The following MRPL24 variants were observed in gnomAD, a reference collection of about 807,000 sequenced individuals.
The protein encoded by MRPL24 is mitochondrial ribosomal protein L24, also known as large ribosomal subunit protein uL24m.
A neutral mutation model predicts 26.9 loss-of-function variants in MRPL24; 15 were observed. The ratio of observed to expected loss-of-function variants is 0.56; its 90% confidence interval spans 0.37 to 0.86. The LOEUF is 0.86. Among genes scored for constraint, MRPL24 ranks in the 40% least tolerant of loss-of-function variants. The pLI, the probability that MRPL24 is intolerant of heterozygous loss-of-function variation, is 0.00. For synonymous variants in MRPL24, 92 were observed against 102.4 expected, an observed-to-expected ratio of 0.90 and a Z score of 0.62; for missense variants, 241 against 281.4, an observed-to-expected ratio of 0.86 and a Z score of 1.03.
intron 5 of MRPL24, 55 bp from the exon 6 acceptor site, chr1:156,737,589 T>C (rs2102681741): frequency 1.2e-6 from 2 of 1,605,906 alleles, no homozygotes; most frequent in Non-Finnish European, 8.5e-7. Context: ...CTTTCATTAA[T>C]GTCCCCTACT....
At chr1:156,737,893 T>C (rs1649932141) in intron 4 of MRPL24, 117 bp from the exon 5 acceptor site, 2 of 1,490,532 alleles carry the variant, frequency 1.3e-6, no homozygotes, top group Non-Finnish European at 1.8e-6. Flanking sequence ...CACCTCTGTG[T>C]TGGGGTTACC....
intron 1 of MRPL24, among the ~76,000 whole-genome samples, chr1:156,739,551 A>C (rs917898047): frequency 2.2e-4 from 34 of 152,150 alleles, no homozygotes; most frequent in African/African-American, 8.0e-4. Context: ...TTCAAAGACA[A>C]ATAAAGATAC....
In MRPL24 at chr1:156,737,637, C is replaced by T; in HGVS notation, c.514+9G>A. On this transcript the variant is annotated intron_variant, in intron 5 of 5. Coordinates refer to ENST00000361531, the MANE Select transcript of MRPL24 (RefSeq NM_145729.3). ...ACCCACCCCTGACCTTCCTGCCCCT[C>T]ACTCTCACCAATCCACGTTTCAGGG... is the stretch of plus-strand genomic sequence containing the variant. 1.2e-6 allele frequency: 2 copies of T among 1,614,100 alleles called. No homozygotes were observed. Among genetic ancestry groups the T allele is most frequent in the Middle Eastern group, 1.6e-4 (1 of 6,062 alleles).
chr1:156,737,637 C>A lies in MRPL24; in HGVS notation c.514+9G>T. On this transcript the variant is annotated intron_variant, in intron 5 of 5. Transcript: ENST00000361531. ...ACCCACCCCTGACCTTCCTGCCCCT[C>A]ACTCTCACCAATCCACGTTTCAGGG... The A allele has an allele frequency of 6.2e-7, 1 of 1,614,100 alleles. No homozygotes were observed. Among genetic ancestry groups the A allele is most frequent in the Non-Finnish European group, 8.5e-7 (1 of 1,179,966 alleles).
chr1:156,738,584 G>C lies in MRPL24; in HGVS notation c.121C>G (p.Arg41Gly). Residue 41 changes from arginine to glycine, a missense_variant, in exon 2 of 6, where the codon CGG (arginine) becomes GGG (glycine). Physicochemically the swap from Arg to Gly is moderately radical, Grantham distance 125 (BLOSUM62 -2). Transcript: ENST00000361531. ...DKRKNPPWIR[R>G]RPVVVEPISD... ...ATGGGTTCCACAACCACTGGGCGCC[G>C]CCTGATCCATGGGGGGTTCTTCCTC... is the stretch of plus-strand genomic sequence containing the variant. The C allele has an allele frequency of 6.2e-7, 1 of 1,613,970 alleles. No individual in the cohort carries two copies. The highest frequency in any genetic ancestry group is 8.5e-7 in the Non-Finnish European group (1 of 1,179,958).
rs566237780 is a variant in MRPL24 at position 156,738,869 on chromosome 1, G to A, written c.-60-105C>T. On this transcript the variant is annotated intron_variant, in intron 1 of 5. Coordinates refer to ENST00000361531, the MANE Select transcript of MRPL24 (RefSeq NM_145729.3). ...ACCTCATCACATTGAATCCTCACAA[G>A]AGGTTATCATCTTTATAGATGAGAA... is the stretch of plus-strand genomic sequence containing the variant. The A allele has an allele frequency of 1.5e-5, 9 of 601,876 alleles. No individual in the cohort carries two copies. In the Admixed American group the frequency reaches 2.9e-4, roughly 19 times the overall value. The allele number at this position is 601,876 out of a possible 1,614,324, so 37.3% of individuals were successfully genotyped here. A position where few individuals can be genotyped will look rare whatever the true frequency, so the allele number is the denominator to read the frequency against.
At chr1:156,737,625 C>A (rs776811890) in intron 5 of MRPL24, 21 bp downstream of exon 5, 1 of 1,613,852 alleles carries the variant, frequency 6.2e-7, no homozygotes, top group Non-Finnish European at 8.5e-7. Context: ...CACCCCTGAC[C>A]TTCCTGCCCC....
Position 156,738,058 on chromosome 1 carries a change from T to A in MRPL24, c.356A>T (p.Gln119Leu). 1 of 1,614,180 alleles carries A rather than the reference T, an allele frequency of 6.2e-7. No individual in the cohort carries two copies. Among genetic ancestry groups the A allele is most frequent in the Non-Finnish European group, 8.5e-7 (1 of 1,180,024 alleles). ...IPSEAPLLHR[Q>L]VKLVDPMDRK... is the part of the protein sequence containing the mutation. Reference sequence around the variant, plus strand: ...GTCCATAGGATCCACAAGTTTGACCTGGCGGTGGAGCAAGGGGGCTTCACT... The same window carrying A: ...GTCCATAGGATCCACAAGTTTGACCAGGCGGTGGAGCAAGGGGGCTTCACT... Residue 119 changes from glutamine (Q) to leucine (L), a missense_variant, in exon 4 of 6, where the codon CAG becomes CTG. Coordinates refer to ENST00000361531, the MANE Select transcript of MRPL24 (RefSeq NM_145729.3).
Position 156,738,715 on chromosome 1 carries a change from T to G in MRPL24, c.-11A>C. 6.4e-7 allele frequency: 1 copy of G among 1,568,658 alleles called. No individual in the cohort carries two copies. The highest frequency in any genetic ancestry group is 8.6e-7 in the Non-Finnish European group (1 of 1,163,130). On this transcript the variant is annotated 5_prime_UTR_variant, in exon 2 of 6. Coordinates refer to ENST00000361531, the MANE Select transcript of MRPL24 (RefSeq NM_145729.3). ...GGCAGAAAGACGCATGCCTGGAGGT[T>G]GTAAGAAATCCCTTTGCCAGCAAAA... is the stretch of plus-strand genomic sequence containing the variant.
chr1:156,738,691 G>GC lies in MRPL24; in HGVS notation c.13dup (p.Ala5GlyfsTer47). The GC allele has an allele frequency of 6.3e-7, 1 of 1,585,534 alleles. No homozygotes were observed. The highest frequency in any genetic ancestry group is 8.5e-7 in the Non-Finnish European group (1 of 1,171,858). On this transcript the variant is annotated frameshift_variant, in exon 2 of 6. Coordinates refer to ENST00000361531, the MANE Select transcript of MRPL24 (RefSeq NM_145729.3). LOFTEE classifies it high-confidence loss of function. ...GACCTTGGATGCCAAGGCCAGCAGG[G>GC]CAGAAAGACGCATGCCTGGAGGTTG... is the stretch of plus-strand genomic sequence containing the variant.
chr1:156,739,046 C>A (rs1294395038), intron 1 of MRPL24, among the ~76,000 whole-genome samples: 1 of 152,168 alleles, frequency 6.6e-6, no homozygotes, highest in East Asian at 1.9e-4. Context: ...CAGAGCTTGG[C>A]CCCTAGTAGG....
intron 4 of MRPL24, 111 bp downstream of exon 4, chr1:156,737,920 C>A: frequency 7.0e-7 from 1 of 1,419,104 alleles, no homozygotes; most frequent in Non-Finnish European, 9.7e-7. Flanking sequence ...GAATCATGTC[C>A]ATGAGATGGT....
chr1:156,737,619 CCT>C lies in MRPL24; in HGVS notation c.514+25_514+26del, dbSNP rs751159132. ...CCTACTCTCACTCCTAGCACCCACCCCTGACCTTCCTGCCCCTCACTCTCACC... is the reference window on the plus strand; with the variant it reads ...CCTACTCTCACTCCTAGCACCCACCCGACCTTCCTGCCCCTCACTCTCACC... On this transcript the variant is annotated intron_variant, in intron 5 of 5. Transcript: ENST00000361531. The C allele has an allele frequency of 1.9e-6, 3 of 1,613,574 alleles. No homozygotes were observed. In the South Asian group the frequency reaches 3.3e-5, roughly 18 times the overall value.
At chr1:156,738,481 G>A in intron 2 of MRPL24, 41 bp downstream of exon 2, 1 of 1,613,182 alleles carries the variant, frequency 6.2e-7, no homozygotes, top group South Asian at 1.1e-5. Context: ...TCCTTGCCCA[G>A]GAGGTTCCCC....
Position 156,737,543 on chromosome 1 carries a change from C to A in MRPL24, c.515-9G>T. 5 of 1,604,228 alleles carry A rather than the reference C, an allele frequency of 3.1e-6. No homozygotes were observed. The highest frequency in any genetic ancestry group is 3.4e-6 in the Non-Finnish European group (4 of 1,174,798). ...TGTGTCTTTGGGGCCATCTGTTAAGCCAGAGGAAACTTAGATGGGTGGGAG... is the reference window on the plus strand; with the variant it reads ...TGTGTCTTTGGGGCCATCTGTTAAGACAGAGGAAACTTAGATGGGTGGGAG... On this transcript the variant is annotated splice_polypyrimidine_tract_variant and intron_variant, in intron 5 of 5. Coordinates refer to ENST00000361531, the MANE Select transcript of MRPL24 (RefSeq NM_145729.3).
In MRPL24 at chr1:156,738,518, T is replaced by C; in HGVS notation, c.183+4A>G. ...TCACTCTACCCCCTGTATGAGGCTC[T>C]CACCGTGTCCCCACAGAACAGATAC... is the stretch of plus-strand genomic sequence containing the variant. On this transcript the variant is annotated splice_donor_region_variant and intron_variant, in intron 2 of 5. Coordinates refer to ENST00000361531, the MANE Select transcript of MRPL24 (RefSeq NM_145729.3). 6.2e-7 allele frequency: 1 copy of C among 1,614,130 alleles called. No homozygotes were observed.
intron 1 of MRPL24, among the ~76,000 whole-genome samples, chr1:156,739,525 A>G (rs1379060457): frequency 1.3e-5 from 2 of 152,214 alleles, no homozygotes; most frequent in African/African-American, 2.4e-5. Context: ...TTTTATAGAT[A>G]AAAATGAACC....
chr1:156,738,600 G>A lies in MRPL24; in HGVS notation c.105C>T (p.Asn35=), dbSNP rs1262449709. The change falls in exon 2 of 6, where the codon AAC becomes AAT. Residue 35 remains asparagine, a synonymous_variant. Coordinates refer to ENST00000361531, the MANE Select transcript of MRPL24 (RefSeq NM_145729.3). Reference sequence around the variant, plus strand: ...CTGGGCGCCGCCTGATCCATGGGGGGTTCTTCCTCTTGTCTGCAACAGAGC... The same window carrying A: ...CTGGGCGCCGCCTGATCCATGGGGGATTCTTCCTCTTGTCTGCAACAGAGC... ...PPGSVADKRK[N]PPWIRRRPVV... 1 of 1,613,550 alleles carries A rather than the reference G, an allele frequency of 6.2e-7. No homozygotes were observed. Among genetic ancestry groups the A allele is most frequent in the Non-Finnish European group, 8.5e-7 (1 of 1,179,780 alleles).
rs1649918859 is a variant in MRPL24 at position 156,737,681 on chromosome 1, G to C, written c.479C>G (p.Pro160Arg). 6.2e-7 allele frequency: 1 copy of C among 1,614,156 alleles called. No individual in the cohort carries two copies. The highest frequency in any genetic ancestry group is 8.5e-7 in the Non-Finnish European group (1 of 1,180,044). The change falls in exon 5 of 6, where the codon CCC becomes CGC. Residue 160 changes from proline (P) to arginine (R), a missense_variant. By Grantham distance (103) the Pro-to-Arg change is moderately radical (BLOSUM62 -2). Coordinates refer to ENST00000361531, the MANE Select transcript of MRPL24 (RefSeq NM_145729.3). ...TTCAGGGACGATGCCATCAGCTCTG[G>C]GAAATTCGGGTTTAGGGATAATTCT... ...SGRIIPKPEF[P>R]RADGIVPETW...
Sources: gnomAD v4.1 joint callset for allele counts (sites outside exome capture counted in the v4.1 genomes callset) on GRCh38, gnomAD v4.1.1 for gene constraint, MANE v1.5 for transcripts, NCBI Gene and HGNC (gene_info 2026-07-23, HGNC 2026-07-21) for gene names.